Variants in CNTNAP2 observed in about 807,000 individuals in gnomAD.
CNTNAP2 encodes contactin associated protein 2.
A neutral mutation model predicts 155.2 loss-of-function variants in CNTNAP2; 98 were observed. The observed-to-expected ratio is 0.63, with a 90% CI of 0.54 to 0.75. The LOEUF (loss-of-function observed/expected upper bound fraction) is 0.75, where lower values mean the gene tolerates loss of function less well. Ranked by LOEUF, CNTNAP2 falls within the 30% of genes least tolerant of loss-of-function variation. The pLI is 0.00. For missense variants in CNTNAP2, 1,727 were observed against 1,688.1 expected (o/e 1.02, Z -0.40); for synonymous variants, 651 against 631.2 (o/e 1.03, Z -0.47).
intron 11 of CNTNAP2, among the ~76,000 whole-genome samples, chr7:147,504,450 A>C (rs866913181): frequency 2.6e-5 from 4 of 152,108 alleles, no homozygotes; most frequent in Non-Finnish European, 5.9e-5. Context: ...GCACTTTGGG[A>C]GGCCGAGGCG....
intron 10 of CNTNAP2, among the ~76,000 whole-genome samples, chr7:147,450,213 A>T (rs1423774122): frequency 1.3e-5 from 2 of 152,240 alleles, no homozygotes; most frequent in East Asian, 3.8e-4. Context: ...AGAGATTAGA[A>T]ATATGAGAAG....
At chr7:147,787,396 T>C (rs1237019568) in intron 13 of CNTNAP2, among the ~76,000 whole-genome samples, 1 of 152,208 alleles carries the variant, frequency 6.6e-6, no homozygotes, top group Non-Finnish European at 1.5e-5. Context: ...AAATATCACT[T>C]TCATGGAAAA....
chr7:147,717,391 G>C (rs1796496935), intron 13 of CNTNAP2, among the ~76,000 whole-genome samples: 1 of 152,074 alleles, frequency 6.6e-6, no homozygotes, highest in South Asian at 2.1e-4. Flanking sequence ...TTTACCAGCA[G>C]TATCCTCACC....
rs139772323 is a variant in CNTNAP2 at position 147,368,013 on chromosome 7, T to TC, written c.1499-27588dup. 4.5e-3 allele frequency among the ~76,000 whole-genome samples: 360 copies of TC among 79,436 alleles called. 7 individuals are homozygous for TC. The highest frequency in any genetic ancestry group is 0.031 in the Admixed American group (218 of 7,034). The allele number at this position is 79,436 out of a possible 152,430, so 52.1% of individuals were successfully genotyped here. A position where few individuals can be genotyped will look rare whatever the true frequency, so the allele number is the denominator to read the frequency against. ...CTCTCTCTCTCTCTGTCTCTCTCTC[T>TC]CCCCCCCCTCCCCCTCCTCCTCTGT... On this transcript the variant is annotated intron_variant, in intron 9 of 23. Coordinates refer to ENST00000361727, the MANE Select transcript of CNTNAP2 (RefSeq NM_014141.6).
rs373995666 is a variant in CNTNAP2, at chr7:147,300,133, C to T, written c.1349-8C>T. On this transcript the variant is annotated splice_polypyrimidine_tract_variant and splice_region_variant and intron_variant, in intron 8 of 23. Coordinates refer to ENST00000361727, the MANE Select transcript of CNTNAP2 (RefSeq NM_014141.6). ...AGATAAAAATGACTTTTATCTTGTACTTACCAGGTTCTGGGTTGAATGATG... is the reference window on the plus strand; with the variant it reads ...AGATAAAAATGACTTTTATCTTGTATTTACCAGGTTCTGGGTTGAATGATG... The T allele has an allele frequency of 6.1e-5, 98 of 1,613,712 alleles. No individual in the cohort carries two copies. Among genetic ancestry groups the T allele is most frequent in the Non-Finnish European group, 8.0e-5 (94 of 1,179,832 alleles).
At chr7:147,317,768 A>G (rs994406423) in intron 9 of CNTNAP2, among the ~76,000 whole-genome samples, 9 of 108,444 alleles carry the variant, frequency 8.3e-5, no homozygotes, top group Non-Finnish European at 3.7e-5. Context: ...AAGGATATAT[A>G]TATATATATG....
At chr7:147,979,708 C>T (rs1298875120) in intron 15 of CNTNAP2, among the ~76,000 whole-genome samples, 2 of 152,116 alleles carry the variant, frequency 1.3e-5, no homozygotes, top group Non-Finnish European at 2.9e-5. Flanking sequence ...CTGCAACCTC[C>T]GCCTCCCAGG....
At position 147,282,967 on chromosome 7, in the gene CNTNAP2, C is replaced by T. The variant is rs184711816; in HGVS notation, c.1349-17174C>T. Among the ~76,000 whole-genome samples, 255 of 151,932 alleles carry T rather than the reference C, an allele frequency of 1.7e-3. 3 individuals carry two copies. The highest frequency in any genetic ancestry group is 5.9e-3 in the African/African-American group (244 of 41,508). On this transcript the variant is annotated intron_variant, in intron 8 of 23. Transcript: ENST00000361727. The stretch of plus-strand genomic sequence containing the variant: ...CAACTTGAAAACCCTTAAAAGTGTC[C>T]TGAAGTCACCTTCAAAAATTTTATG...
At chr7:147,832,260 A>G (rs1798562193) in intron 13 of CNTNAP2, among the ~76,000 whole-genome samples, 1 of 113,026 alleles carries the variant, frequency 8.8e-6, no homozygotes, top group South Asian at 2.7e-4. Context: ...TATACATTTA[A>G]TTATATATTA....
intron 13 of CNTNAP2, among the ~76,000 whole-genome samples, chr7:147,807,003 G>A (rs988942750): frequency 6.6e-6 from 1 of 152,062 alleles, no homozygotes; most frequent in South Asian, 2.1e-4. Context: ...GAGTGGGATT[G>A]AAATGTTCCT....
intron 1 of CNTNAP2, among the ~76,000 whole-genome samples, chr7:146,591,465 G>C (rs1798783029): frequency 1.6e-5 from 1 of 62,544 alleles, no homozygotes; most frequent in Admixed American, 1.2e-4. Context: ...ACCTGAGTAT[G>C]AAAATAGATG....
At position 148,217,390 on chromosome 7, in the gene CNTNAP2, A is replaced by G; in HGVS notation, c.3113A>G (p.Asp1038Gly). Residue 1038 changes from aspartate (D) to glycine (G), a missense_variant, in exon 19 of 24, where the codon GAC becomes GGC. Physicochemically the swap from Asp to Gly is moderately conservative, Grantham distance 94. Coordinates refer to ENST00000361727, the MANE Select transcript of CNTNAP2 (RefSeq NM_014141.6). ...DSSSRVDNAP[D>G]QQNSHPDLAQ... Reference sequence around the variant, plus strand: ...AGCAGCAGAGTAGACAACGCTCCCGACCAGCAGAACTCCCACCCGGACCTG... The same window carrying G: ...AGCAGCAGAGTAGACAACGCTCCCGGCCAGCAGAACTCCCACCCGGACCTG... 1 of 1,614,142 alleles carries G rather than the reference A, an allele frequency of 6.2e-7. No individual in the cohort carries two copies. Among genetic ancestry groups the G allele is most frequent in the Non-Finnish European group, 8.5e-7 (1 of 1,180,016 alleles).
chr7:148,076,792 C>T (rs561636707), intron 15 of CNTNAP2, among the ~76,000 whole-genome samples: 16 of 152,200 alleles, frequency 1.1e-4, no homozygotes, highest in African/African-American at 3.6e-4. Flanking sequence ...CATATCTCCC[C>T]TCTTACTTTC....
chr7:148,118,031 T>C, intron 15 of CNTNAP2, 87 bp from the exon 16 acceptor site: 3 of 1,351,332 alleles, frequency 2.2e-6, no homozygotes, highest in Non-Finnish European at 3.2e-6. Flanking sequence ...CTAATGGTAC[T>C]TATTAAACTC....
At chr7:147,071,607 T>A (rs945632162) in intron 4 of CNTNAP2, among the ~76,000 whole-genome samples, 3 of 152,192 alleles carry the variant, frequency 2.0e-5, no homozygotes, top group Non-Finnish European at 4.4e-5. Flanking sequence ...ATCATTCACT[T>A]AACAGATATT....
At chr7:147,250,573 T>C (rs960371974) in intron 8 of CNTNAP2, among the ~76,000 whole-genome samples, 2 of 146,818 alleles carry the variant, frequency 1.4e-5, no homozygotes, top group Non-Finnish European at 3.0e-5. Flanking sequence ...GTCAACCTCA[T>C]GTGTCTGGAT....
At chr7:148,280,273 G>A (rs1373925859) in intron 21 of CNTNAP2, among the ~76,000 whole-genome samples, 2 of 152,240 alleles carry the variant, frequency 1.3e-5, no homozygotes, top group Non-Finnish European at 2.9e-5. Flanking sequence ...TCATGCTACT[G>A]TACTGCATCT....
At chr7:147,589,300 C>T (rs1800694921) in intron 12 of CNTNAP2, among the ~76,000 whole-genome samples, 1 of 152,132 alleles carries the variant, frequency 6.6e-6, no homozygotes, top group Non-Finnish European at 1.5e-5. Flanking sequence ...TTTGCATGCA[C>T]AAAGTTCGAC....
At chr7:147,496,325 G>C (rs1365270829) in intron 11 of CNTNAP2, among the ~76,000 whole-genome samples, 2 of 152,104 alleles carry the variant, frequency 1.3e-5, no homozygotes, top group African/African-American at 4.8e-5. Context: ...GTCACTGAAT[G>C]ATATTTAAGT....
Sources: gnomAD v4.1 joint callset for allele counts (sites outside exome capture counted in the v4.1 genomes callset) on GRCh38, gnomAD v4.1.1 for gene constraint, MANE v1.5 for transcripts, NCBI Gene and HGNC (gene_info 2026-07-23, HGNC 2026-07-21) for gene names.